The following CUX2 variants were observed in gnomAD, a reference collection of about 807,000 sequenced individuals.
CUX2 encodes the protein homeobox protein cut-like 2.
Under a neutral mutation model 144.8 loss-of-function variants are expected in CUX2, and 40 were observed. The observed-to-expected ratio is 0.28, with a 90% CI of 0.21 to 0.36. The LOEUF (loss-of-function observed/expected upper bound fraction) is 0.36. Among genes scored for constraint, CUX2 ranks in the 10% least tolerant of loss-of-function variants. The pLI is 1.00. For synonymous variants in CUX2, 827 were observed against 875.6 expected, an observed-to-expected ratio of 0.94 and a Z score of 0.98; for missense variants, 1,615 against 1,994.0, an observed-to-expected ratio of 0.81 and a Z score of 3.62.
chr12:111,340,959 G>A (rs1431677711), intron 20 of CUX2, among the ~76,000 whole-genome samples: 1 of 152,182 alleles, frequency 6.6e-6, no homozygotes, highest in Non-Finnish European at 1.5e-5. Flanking sequence ...GCAGTAGGGT[G>A]GAAGCATCAG....
At chr12:111,069,960 A>G (rs1871190076) in intron 1 of CUX2, among the ~76,000 whole-genome samples, 1 of 152,086 alleles carries the variant, frequency 6.6e-6, no homozygotes, top group Admixed American at 6.5e-5. Context: ...ACCCTAGAGC[A>G]TGGCTTTAGA....
At chr12:111,155,194 T>C (rs1031240269) in intron 1 of CUX2, among the ~76,000 whole-genome samples, 1 of 152,234 alleles carries the variant, frequency 6.6e-6, no homozygotes, top group African/African-American at 2.4e-5. Flanking sequence ...CCTTACTGGC[T>C]GTGTGACCTT....
chr12:111,232,593 C>T (rs888264588), intron 3 of CUX2, among the ~76,000 whole-genome samples: 1 of 152,164 alleles, frequency 6.6e-6, no homozygotes, highest in Non-Finnish European at 1.5e-5. Flanking sequence ...AGGATTTGAG[C>T]ATCGGAGGAT....
At chr12:111,084,509 C>A (rs1175187838) in intron 1 of CUX2, among the ~76,000 whole-genome samples, 1 of 148,476 alleles carries the variant, frequency 6.7e-6, no homozygotes, top group African/African-American at 2.5e-5. Flanking sequence ...TTTTTTTTTC[C>A]CTAGAACAAG....
chr12:111,103,712 G>A (rs1193243621), intron 1 of CUX2, among the ~76,000 whole-genome samples: 1 of 152,196 alleles, frequency 6.6e-6, no homozygotes, highest in Non-Finnish European at 1.5e-5. Flanking sequence ...CTTATCTGGA[G>A]TCAACTTAAA....
In CUX2 at chr12:111,291,818, G is replaced by A. The variant is rs551567894; in HGVS notation, c.436+266G>A. On this transcript the variant is annotated intron_variant, in intron 5 of 21. Coordinates refer to ENST00000261726, the MANE Select transcript of CUX2 (RefSeq NM_015267.4). ...AACAAATTAGTAAGACTCATAGTGT[G>A]GCAGGTGGAGAGAAAAGTCAACAGA... 2.6e-5 allele frequency among the ~76,000 whole-genome samples: 4 copies of A among 152,264 alleles called. No individual in the cohort carries two copies. The South Asian group carries it at 8.3e-4, about 32-fold the overall frequency.
rs138438814 is a variant in CUX2 at position 111,161,684 on chromosome 12, G to A, written c.64-52516G>A. Among the ~76,000 whole-genome samples, 278 of 152,278 alleles carry A rather than the reference G, an allele frequency of 1.8e-3. 2 individuals are homozygous for A. The South Asian group carries it at 0.026, about 14-fold the overall frequency. On this transcript the variant is annotated intron_variant, in intron 1 of 21. Coordinates refer to ENST00000261726, the MANE Select transcript of CUX2 (RefSeq NM_015267.4). ...ACAGGGCAGTTCAACTGCAAAACCC[G>A]TTCTCTTAGCTCTCACACTCTATGC...
At chr12:111,071,990 C>T (rs1871272632) in intron 1 of CUX2, among the ~76,000 whole-genome samples, 1 of 152,194 alleles carries the variant, frequency 6.6e-6, no homozygotes, top group African/African-American at 2.4e-5. Flanking sequence ...ATTCTTTCTC[C>T]AATACCACAC....
At chr12:111,129,960 AAGCCCCTACTCT>A (rs752826124) in intron 1 of CUX2, among the ~76,000 whole-genome samples, 40 of 152,118 alleles carry the variant, frequency 2.6e-4, no homozygotes, top group Non-Finnish European at 3.7e-4. Context: ...TGACCTCTAT[AAGCCCCTACTCT>A]GACTGGAGGG....
Position 111,077,877 on chromosome 12 carries a change from G to C in CUX2, c.63+43637G>C, listed in dbSNP as rs1197517496. On this transcript the variant is annotated intron_variant, in intron 1 of 21. Coordinates refer to ENST00000261726, the MANE Select transcript of CUX2 (RefSeq NM_015267.4). The surrounding 1 kb of genome is among the most constrained non-coding windows in gnomAD (Gnocchi z 4.1). ...GAACAGCAGCTAAAGGTTTGATTTA[G>C]TCTTCTGTGGTTATTGATGGGAAAA... is the stretch of plus-strand genomic sequence containing the variant. 6.6e-6 allele frequency among the ~76,000 whole-genome samples: 1 copy of C among 152,210 alleles called. No homozygotes were observed. Among genetic ancestry groups the C allele is most frequent in the Non-Finnish European group, 1.5e-5 (1 of 68,038 alleles).
chr12:111,189,048 G>A (rs1879723975), intron 1 of CUX2, among the ~76,000 whole-genome samples: 1 of 152,200 alleles, frequency 6.6e-6, no homozygotes, highest in Admixed American at 6.5e-5. Context: ...GGGAGGCTGA[G>A]ACGGGTGGAT....
intron 6 of CUX2, among the ~76,000 whole-genome samples, chr12:111,294,617 C>T (rs896933895): frequency 1.3e-5 from 2 of 150,862 alleles, no homozygotes; most frequent in Admixed American, 1.3e-4. Context: ...AGAAAACAGG[C>T]CGGGCGTGGT....
chr12:111,048,186 C>T (rs565394577), intron 1 of CUX2, among the ~76,000 whole-genome samples: 12 of 152,190 alleles, frequency 7.9e-5, no homozygotes, highest in Admixed American at 2.6e-4. Flanking sequence ...GGGTCTAAAA[C>T]GGGAGAAACG....
chr12:111,143,293 T>G (rs1876453032), intron 1 of CUX2, among the ~76,000 whole-genome samples: 1 of 152,184 alleles, frequency 6.6e-6, no homozygotes, highest in African/African-American at 2.4e-5. Flanking sequence ...CTTGGGTGTT[T>G]CCAGCTCCAA....
chr12:111,099,185 A>G (rs1233656500), intron 1 of CUX2, among the ~76,000 whole-genome samples: 1 of 152,248 alleles, frequency 6.6e-6, no homozygotes, highest in Non-Finnish European at 1.5e-5. Flanking sequence ...CTGAAGGGCG[A>G]CCAGGTCCTG....
intron 3 of CUX2, among the ~76,000 whole-genome samples, chr12:111,251,874 C>T (rs1309144050): frequency 6.6e-6 from 1 of 152,064 alleles, no homozygotes; most frequent in African/African-American, 2.4e-5. Context: ...GTCTGTCTCT[C>T]TGTCTCTCTA....
intron 1 of CUX2, among the ~76,000 whole-genome samples, chr12:111,089,852 C>T (rs1872456655): frequency 6.6e-6 from 1 of 152,220 alleles, no homozygotes; most frequent in Non-Finnish European, 1.5e-5. Flanking sequence ...TAGGTCTCCT[C>T]TTCAGTTAAA....
chr12:111,264,136 C>A (rs1409620294), intron 4 of CUX2, among the ~76,000 whole-genome samples: 1 of 152,150 alleles, frequency 6.6e-6, no homozygotes, highest in Admixed American at 6.5e-5. Context: ...CCCACTAGAG[C>A]CCCCATCCCA....
In CUX2 at chr12:111,186,408, A is replaced by G. The variant is rs1199611995; in HGVS notation, c.64-27792A>G. Among the ~76,000 whole-genome samples, 1 of 152,138 alleles carries G rather than the reference A, an allele frequency of 6.6e-6. No homozygotes were observed. Among genetic ancestry groups the G allele is most frequent in the Non-Finnish European group, 1.5e-5 (1 of 68,022 alleles). ...GCATGAGGGCCTTGTGGGGAAGGCT[A>G]AGTTGCTATGACGTTAAGCTGAGAC... is the stretch of plus-strand genomic sequence containing the variant. On this transcript the variant is annotated intron_variant, in intron 1 of 21. Coordinates refer to ENST00000261726, the MANE Select transcript of CUX2 (RefSeq NM_015267.4). The surrounding 1 kb of genome is among the most constrained non-coding windows in gnomAD (Gnocchi z 4.4).
Sources: gnomAD v4.1 joint callset for allele counts (sites outside exome capture counted in the v4.1 genomes callset) on GRCh38, gnomAD v4.1.1 for gene constraint, Gnocchi (gnomAD v3.1) non-coding constraint, MANE v1.5 for transcripts, NCBI Gene and HGNC (gene_info 2026-07-23, HGNC 2026-07-21) for gene names.